RSBN1L: variants seen among roughly 807,000 people sequenced by gnomAD.
RSBN1L encodes round spermatid basic protein 1 like, also known as lysine-specific demethylase RSBN1L.
RSBN1L carries 30 observed loss-of-function variants against 67.7 expected under a neutral mutation model. That is an observed-to-expected ratio of 0.44 (90% CI 0.33 to 0.60). The LOEUF (loss-of-function observed/expected upper bound fraction) is 0.60, where lower values mean the gene tolerates loss of function less well. Among genes scored for constraint, RSBN1L ranks in the 20% least tolerant of loss-of-function variants. The pLI is 0.02. For synonymous variants in RSBN1L, 433 were observed against 387.0 expected, an observed-to-expected ratio of 1.12 and a Z score of -1.39; for missense variants, 992 against 1,031.7, an observed-to-expected ratio of 0.96 and a Z score of 0.53.
intron 2 of RSBN1L, among the ~76,000 whole-genome samples, chr7:77,744,568 C>T (rs1562803097): frequency 6.6e-6 from 1 of 151,904 alleles, no homozygotes; most frequent in African/African-American, 2.4e-5. Context: ...AGGTGCCTGC[C>T]ACCACGCCCG....
chr7:77,767,561 G>A (rs1400246761), intron 4 of RSBN1L, among the ~76,000 whole-genome samples: 2 of 151,800 alleles, frequency 1.3e-5, no homozygotes, highest in African/African-American at 2.4e-5. Flanking sequence ...CTTTAGTAGA[G>A]ATGAGGTTTC....
At chr7:77,698,077 C>T (rs574869266) in intron 1 of RSBN1L, among the ~76,000 whole-genome samples, 2 of 152,338 alleles carry the variant, frequency 1.3e-5, no homozygotes, top group Admixed American at 6.5e-5. Context: ...TTCAGCATTG[C>T]TGATCTAACA....
chr7:77,753,903 GA>G (rs1791585218), intron 3 of RSBN1L, among the ~76,000 whole-genome samples: 1 of 152,152 alleles, frequency 6.6e-6, no homozygotes, highest in Non-Finnish European at 1.5e-5. Context: ...ATCATTTATG[GA>G]AAAGATACCC....
At chr7:77,707,935 G>A (rs1307538238) in intron 1 of RSBN1L, among the ~76,000 whole-genome samples, 1 of 152,114 alleles carries the variant, frequency 6.6e-6, no homozygotes, top group South Asian at 2.1e-4. Flanking sequence ...GTCCTTTAAA[G>A]TTTAATTAGA....
chr7:77,759,357 A>T (rs200513979), intron 3 of RSBN1L, among the ~76,000 whole-genome samples: 1 of 152,212 alleles, frequency 6.6e-6, no homozygotes, highest in Non-Finnish European at 1.5e-5. Context: ...TACTAATTTT[A>T]AAATGGATAA....
rs1338175907 is a variant in RSBN1L, at chr7:77,696,777, G to C, written c.308G>C (p.Ser103Thr). Residue 103 changes from serine to threonine, a missense_variant, in exon 1 of 8, where the codon AGT (serine) becomes ACT (threonine). Ser to Thr is a moderately conservative substitution (Grantham distance 58, BLOSUM62 1). This residue lies in a region of RSBN1L where 575 missense variants were observed against 483.2 expected (regional missense o/e 1.19). Coordinates refer to ENST00000334955, the MANE Select transcript of RSBN1L (RefSeq NM_198467.3). The part of the protein sequence containing the change: ...AAPSPSSSRS[S>T]FSFSAGTAVP... ...CCCTCCCCGTCCTCTTCTCGGAGCA[G>C]TTTCTCTTTCTCCGCTGGCACGGCC... 3 of 1,613,834 alleles carry C rather than the reference G, an allele frequency of 1.9e-6. No homozygotes were observed. Among genetic ancestry groups the C allele is most frequent in the Admixed American group, 3.3e-5 (2 of 60,030 alleles).
intron 1 of RSBN1L, 96 bp downstream of exon 1, chr7:77,697,151 C>A (rs1002871301): frequency 7.9e-7 from 1 of 1,258,420 alleles, no homozygotes; most frequent in Non-Finnish European, 1.0e-6. Flanking sequence ...GCGGCGGCCG[C>A]GTGCGCCGGC....
intron 1 of RSBN1L, among the ~76,000 whole-genome samples, chr7:77,707,740 T>A (rs1017865968): frequency 6.6e-6 from 1 of 152,330 alleles, no homozygotes; most frequent in Non-Finnish European, 1.5e-5. Context: ...TTTTAAATTA[T>A]AGATGACTGG....
At chr7:77,758,525 G>A (rs1346467759) in intron 3 of RSBN1L, among the ~76,000 whole-genome samples, 4 of 152,188 alleles carry the variant, frequency 2.6e-5, no homozygotes, top group Non-Finnish European at 5.9e-5. Context: ...TAGTTAAAAT[G>A]TGCAATTATT....
At chr7:77,722,791 TGTC>T (rs1562797459) in intron 1 of RSBN1L, among the ~76,000 whole-genome samples, 1 of 151,908 alleles carries the variant, frequency 6.6e-6, no homozygotes, top group African/African-American at 2.4e-5. Flanking sequence ...ATGTCATTGT[TGTC>T]GTTCAGTTCA....
In RSBN1L at chr7:77,778,329, C is replaced by CT. The variant is rs35107250; in HGVS notation, c.1794-3dup. 4 of 1,573,852 alleles carry CT rather than the reference C, an allele frequency of 2.5e-6. No individual in the cohort carries two copies. In the Admixed American group the frequency reaches 5.9e-5, roughly 23 times the overall value. On this transcript the variant is annotated splice_polypyrimidine_tract_variant and intron_variant, in intron 6 of 7. Transcript: ENST00000334955. ...TGGCAGATTCTTGTTATCTCGTTTT[C>CT]TTTTTTAGGCCTGATCAACCCCGTA...
At chr7:77,719,004 C>T (rs751512160) in intron 1 of RSBN1L, among the ~76,000 whole-genome samples, 5 of 152,150 alleles carry the variant, frequency 3.3e-5, no homozygotes, top group East Asian at 1.9e-4. Context: ...GACCATTCCA[C>T]ATGGTCTGTT....
At chr7:77,769,203 G>C (rs1229413641) in intron 5 of RSBN1L, among the ~76,000 whole-genome samples, 2 of 152,150 alleles carry the variant, frequency 1.3e-5, no homozygotes, top group African/African-American at 4.8e-5. Flanking sequence ...ATTTCAATTG[G>C]ACTAACACTT....
At chr7:77,697,649 T>G (rs1337744437) in intron 1 of RSBN1L, among the ~76,000 whole-genome samples, 2 of 152,168 alleles carry the variant, frequency 1.3e-5, no homozygotes, top group African/African-American at 4.8e-5. Context: ...CCGCTGCGTA[T>G]TCTTAAGTGT....
In RSBN1L at chr7:77,782,846, T is replaced by G. The variant is rs1200773091; in HGVS notation, c.*3678T>G. On this transcript the variant is annotated 3_prime_UTR_variant, in exon 8 of 8. Coordinates refer to ENST00000334955, the MANE Select transcript of RSBN1L (RefSeq NM_198467.3). The stretch of plus-strand genomic sequence containing the variant: ...CAGATAAGAGCATTTTTGTAAATAA[T>G]AAACTAGCACCGTTTGGGTAAATTT... 6.6e-6 allele frequency: 1 copy of G among 152,204 alleles called. No homozygotes were observed. Among genetic ancestry groups the G allele is most frequent in the Non-Finnish European group, 1.5e-5 (1 of 68,014 alleles). The allele number at this position is 152,204 out of a possible 1,614,324, so 9.4% of individuals were successfully genotyped here. A position where few individuals can be genotyped will look rare whatever the true frequency, so the allele number is the denominator to read the frequency against.
intron 3 of RSBN1L, among the ~76,000 whole-genome samples, chr7:77,764,712 C>T (rs893206097): frequency 2.0e-5 from 3 of 151,916 alleles, no homozygotes; most frequent in Admixed American, 6.6e-5. Context: ...TTGCAAGCTC[C>T]GCCACCCAGG....
chr7:77,770,509 C>T (rs995148782), intron 5 of RSBN1L, among the ~76,000 whole-genome samples: 10 of 152,022 alleles, frequency 6.6e-5, no homozygotes, highest in African/African-American at 2.2e-4. Flanking sequence ...AGTGAGATGC[C>T]GCCTCTACAA....
intron 1 of RSBN1L, among the ~76,000 whole-genome samples, chr7:77,734,018 T>C (rs1791301770): frequency 6.6e-6 from 1 of 152,234 alleles, no homozygotes; most frequent in Non-Finnish European, 1.5e-5. Context: ...TCCCATTTAC[T>C]TGGTGGCTGA....
chr7:77,758,931 T>A (rs574839260), intron 3 of RSBN1L, among the ~76,000 whole-genome samples: 119 of 152,334 alleles, frequency 7.8e-4, no homozygotes, highest in Admixed American at 3.0e-3. Context: ...CTGGAGTAGT[T>A]GTTTTCTAAC....
Sources: gnomAD v4.1 joint callset for allele counts (sites outside exome capture counted in the v4.1 genomes callset) on GRCh38, gnomAD v4.1.1 for gene constraint, gnomAD v4.1.1 regional missense constraint, MANE v1.5 for transcripts, NCBI Gene and HGNC (gene_info 2026-07-23, HGNC 2026-07-21) for gene names.